The following RP1 variants were observed in gnomAD, a reference collection of about 807,000 sequenced individuals.
RP1 encodes oxygen-regulated protein 1.
A neutral mutation model predicts 14.8 loss-of-function variants in RP1; 16 were observed. The ratio of observed to expected loss-of-function variants is 1.08; its 90% CI spans 0.73 to 1.65. The LOEUF is 1.65. Ranked by LOEUF, RP1 falls within the 40% of genes most tolerant of loss-of-function variation. The pLI, the probability that RP1 is intolerant of heterozygous loss-of-function variation, is 0.00. For missense variants in RP1, 2,631 were observed against 2,535.0 expected, an observed-to-expected ratio of 1.04 and a Z score of -0.81; for synonymous variants, 876 against 883.6, an observed-to-expected ratio of 0.99 and a Z score of 0.15.
chr8:54,739,367 C>T (rs746638353), intron 19 of RP1, among the ~76,000 whole-genome samples: 1 of 152,086 alleles, frequency 6.6e-6, no homozygotes, highest in Non-Finnish European at 1.5e-5. Flanking sequence ...TCCCAATAAA[C>T]CCATCATAAC....
chr8:54,822,801 T>C (rs967589621), intron 24 of RP1, among the ~76,000 whole-genome samples: 2 of 152,204 alleles, frequency 1.3e-5, no homozygotes, highest in South Asian at 4.1e-4. Flanking sequence ...CCCAAAATGG[T>C]GAATTAGCCA....
intron 24 of RP1, among the ~76,000 whole-genome samples, chr8:54,814,295 G>A (rs1811082399): frequency 6.6e-6 from 1 of 152,162 alleles, no homozygotes; most frequent in Admixed American, 6.5e-5. Flanking sequence ...TCTCTGCAAA[G>A]TTCACAAGGT....
chr8:54,579,152 A>G (rs1191812146), intron 1 of RP1, among the ~76,000 whole-genome samples: 1 of 152,230 alleles, frequency 6.6e-6, no homozygotes, highest in Admixed American at 6.5e-5. Flanking sequence ...TCTAATCACC[A>G]TAGTCTGTCT....
At chr8:54,781,901 A>G (rs116090995) in intron 23 of RP1, among the ~76,000 whole-genome samples, 485 of 152,232 alleles carry the variant, frequency 3.2e-3, no homozygotes, top group African/African-American at 0.011. Flanking sequence ...ATATGAATCA[A>G]TGGTTCCTTG....
intron 1 of RP1, among the ~76,000 whole-genome samples, chr8:54,600,991 A>G (rs1805269121): frequency 6.6e-6 from 1 of 152,048 alleles, no homozygotes. Context: ...CTTTATATAT[A>G]ATGTCCGGGG....
intron 3 of RP1, among the ~76,000 whole-genome samples, chr8:54,623,842 G>C (rs1315027444): frequency 6.6e-6 from 1 of 152,096 alleles, no homozygotes; most frequent in Non-Finnish European, 1.5e-5. Flanking sequence ...TGTGTAGGTG[G>C]GAAGATGAAT....
intron 22 of RP1, among the ~76,000 whole-genome samples, chr8:54,759,604 C>A (rs1809590743): frequency 6.6e-6 from 1 of 152,168 alleles, no homozygotes; most frequent in African/African-American, 2.4e-5. Flanking sequence ...AGACACAGGT[C>A]CCACATATAC....
At chr8:54,594,786 C>T (rs958710944) in intron 1 of RP1, among the ~76,000 whole-genome samples, 1 of 152,088 alleles carries the variant, frequency 6.6e-6, no homozygotes, top group Non-Finnish European at 1.5e-5. Flanking sequence ...ATTAGAGATA[C>T]ATATGCTAGG....
At chr8:54,771,291 T>G (rs1809897893), downstream of RP1, among the ~76,000 whole-genome samples, 1 of 152,030 alleles carries the variant, frequency 6.6e-6, no homozygotes. Flanking sequence ...GTAATAAGGC[T>G]TGAAATGACA....
At chr8:54,728,545 A>G (rs1466594026) in intron 17 of RP1, among the ~76,000 whole-genome samples, 1 of 152,222 alleles carries the variant, frequency 6.6e-6, no homozygotes, top group African/African-American at 2.4e-5. Context: ...ATTATAGACA[A>G]AATAAAACTG....
intron 12 of RP1, among the ~76,000 whole-genome samples, chr8:54,683,926 G>T (rs910802659): frequency 2.0e-5 from 3 of 151,776 alleles, no homozygotes; most frequent in Admixed American, 6.6e-5. Context: ...TATGGTAGTG[G>T]CTGTGGGTTT....
intron 22 of RP1, among the ~76,000 whole-genome samples, chr8:54,766,170 A>G (rs2129372555): frequency 6.6e-6 from 1 of 152,310 alleles, no homozygotes; most frequent in South Asian, 2.1e-4. Flanking sequence ...TTTATTTTCA[A>G]AATAAGTCAG....
intron 25 of RP1, among the ~76,000 whole-genome samples, chr8:54,840,572 C>G (rs568124775): frequency 6.9e-6 from 1 of 143,954 alleles, no homozygotes; most frequent in East Asian, 2.0e-4. Flanking sequence ...TTACCTCTAT[C>G]GGAGCACATT....
intron 25 of RP1, among the ~76,000 whole-genome samples, chr8:54,840,400 G>A (rs1350793646): frequency 6.6e-6 from 1 of 151,780 alleles, no homozygotes; most frequent in Admixed American, 6.6e-5. Context: ...TTACAGGTGT[G>A]AGCCACCTCA....
intron 1 of RP1, among the ~76,000 whole-genome samples, chr8:54,602,516 T>C (rs890925491): frequency 2.6e-5 from 4 of 152,154 alleles, no homozygotes; most frequent in African/African-American, 9.7e-5. Context: ...TGTGTCTTTA[T>C]AGCAGCATGT....
At chr8:54,860,327 G>T (rs1812315969) in intron 27 of RP1, among the ~76,000 whole-genome samples, 1 of 152,058 alleles carries the variant, frequency 6.6e-6, no homozygotes, top group Admixed American at 6.5e-5. Context: ...ACAATAGTGA[G>T]ATTCTCAAGT....
At chr8:54,672,271 A>G (rs772049062) in intron 7 of RP1, among the ~76,000 whole-genome samples, 18 of 152,148 alleles carry the variant, frequency 1.2e-4, no homozygotes, top group Non-Finnish European at 2.4e-4. Flanking sequence ...TTTCTCAGGT[A>G]GCCTTCAGAC....
chr8:54,685,937 C>G (rs1306138809), intron 12 of RP1, among the ~76,000 whole-genome samples: 2 of 152,206 alleles, frequency 1.3e-5, no homozygotes, highest in African/African-American at 4.8e-5. Context: ...CAGGAAAGAA[C>G]TGGCCCTGAC....
chr8:54,862,113 T>C (rs1442055436), intron 27 of RP1, among the ~76,000 whole-genome samples: 1 of 152,052 alleles, frequency 6.6e-6, no homozygotes, highest in Non-Finnish European at 1.5e-5. Context: ...CAACAAAGAA[T>C]TATCAGGCCC....
Sources: gnomAD v4.1 joint callset for allele counts (sites outside exome capture counted in the v4.1 genomes callset) on GRCh38, gnomAD v4.1.1 for gene constraint, MANE v1.5 for transcripts, NCBI Gene and HGNC (gene_info 2026-07-23, HGNC 2026-07-21) for gene names.